The following WDR49 variants were observed in gnomAD, a reference collection of about 807,000 sequenced individuals.
WDR49 encodes WD repeat domain 49, also known as cilia- and flagella-associated protein 337.
A neutral mutation model predicts 119.5 loss-of-function variants in WDR49; 107 were observed. That is an observed-to-expected ratio of 0.90 (90% CI 0.77 to 1.05). The LOEUF (loss-of-function observed/expected upper bound fraction) is 1.05. Among genes scored for constraint, WDR49 ranks in the 50% least tolerant of loss-of-function variants. WDR49 has a pLI of 0.00. For synonymous variants in WDR49, 425 were observed against 418.8 expected, an observed-to-expected ratio of 1.01 and a Z score of -0.18; for missense variants, 1,240 against 1,220.5, an observed-to-expected ratio of 1.02 and a Z score of -0.24.
intron 5 of WDR49, among the ~76,000 whole-genome samples, chr3:167,605,939 A>T (rs1014280839): frequency 5.9e-5 from 9 of 152,204 alleles, no homozygotes; most frequent in Non-Finnish European, 1.0e-4. Context: ...GGACACTAGT[A>T]TTTGGTAGAG....
At chr3:167,497,795 G>C (rs1243332887) in intron 18 of WDR49, among the ~76,000 whole-genome samples, 1 of 151,622 alleles carries the variant, frequency 6.6e-6, no homozygotes, top group Non-Finnish European at 1.5e-5. Flanking sequence ...TCCTATGTCT[G>C]GATCTTTTTT....
intron 5 of WDR49, among the ~76,000 whole-genome samples, chr3:167,610,118 G>A (rs1716273304): frequency 6.6e-6 from 1 of 152,182 alleles, no homozygotes; most frequent in Non-Finnish European, 1.5e-5. Flanking sequence ...TAGCTGTGGA[G>A]GCTATGGGGA....
chr3:167,493,870 CA>C (rs779649590), intron 18 of WDR49, among the ~76,000 whole-genome samples: 5 of 152,140 alleles, frequency 3.3e-5, no homozygotes, highest in Non-Finnish European at 5.9e-5. Context: ...AAACTAATGT[CA>C]TTTTCTAACT....
At chr3:167,600,911 CTAG>C (rs1327256231) in intron 7 of WDR49, among the ~76,000 whole-genome samples, 1 of 151,682 alleles carries the variant, frequency 6.6e-6, no homozygotes, top group Non-Finnish European at 1.5e-5. Context: ...TGAAGTGGGG[CTAG>C]TAGATGGGGG....
At chr3:167,644,389 C>T (rs1025203061) in intron 2 of WDR49, among the ~76,000 whole-genome samples, 1 of 152,196 alleles carries the variant, frequency 6.6e-6, no homozygotes, top group African/African-American at 2.4e-5. Flanking sequence ...AATCACAGTT[C>T]TCTTTTTCTA....
chr3:167,579,141 G>C (rs1324136600), intron 7 of WDR49, among the ~76,000 whole-genome samples: 1 of 151,980 alleles, frequency 6.6e-6, no homozygotes, highest in Admixed American at 6.6e-5. Flanking sequence ...GGCCTCCTTA[G>C]CTGTGTGGAA....
chr3:167,574,709 G>A (rs138517686), intron 8 of WDR49, among the ~76,000 whole-genome samples: 2 of 152,206 alleles, frequency 1.3e-5, no homozygotes, highest in African/African-American at 4.8e-5. Context: ...AGGGAATATT[G>A]CTCATCTTAT....
intron 2 of WDR49, among the ~76,000 whole-genome samples, chr3:167,635,367 G>A (rs556831344): frequency 9.2e-5 from 14 of 151,764 alleles, no homozygotes; most frequent in African/African-American, 2.4e-4. Flanking sequence ...AAGACTTATC[G>A]ATTGGTTGCT....
intron 7 of WDR49, among the ~76,000 whole-genome samples, chr3:167,597,748 G>A (rs76026940): frequency 0.026 from 3,967 of 152,242 alleles, 166 homozygotes; most frequent in East Asian, 0.17. Context: ...TTCAGTGAGT[G>A]TCTTGCTGGG....
chr3:167,555,504 C>A (rs1478076582), intron 9 of WDR49, among the ~76,000 whole-genome samples: 1 of 152,126 alleles, frequency 6.6e-6, no homozygotes, highest in African/African-American at 2.4e-5. Flanking sequence ...GATTTACAGC[C>A]CGTCAGTCAG....
chr3:167,564,978 C>A (rs1199813410), intron 8 of WDR49, among the ~76,000 whole-genome samples: 1 of 151,442 alleles, frequency 6.6e-6, no homozygotes, highest in East Asian at 1.9e-4. Flanking sequence ...ATACTTGATT[C>A]CATTGCTGTT....
chr3:167,515,024 G>C (rs75947097), intron 16 of WDR49, among the ~76,000 whole-genome samples: 128 of 152,102 alleles, frequency 8.4e-4, no homozygotes, highest in African/African-American at 2.8e-3. Context: ...AAGGACCAGA[G>C]TGATTCACAG....
intron 18 of WDR49, among the ~76,000 whole-genome samples, chr3:167,482,763 G>A (rs1220141992): frequency 6.6e-6 from 1 of 151,654 alleles, no homozygotes; most frequent in Non-Finnish European, 1.5e-5. Context: ...ATGTATTTAA[G>A]TGCAGAAGTA....
At chr3:167,479,485 G>A (rs745637208) in intron 18 of WDR49, among the ~76,000 whole-genome samples, 4 of 152,146 alleles carry the variant, frequency 2.6e-5, no homozygotes, top group Admixed American at 6.5e-5. Flanking sequence ...GTTATATTGC[G>A]CATCAGTGAG....
chr3:167,598,217 A>C (rs1188733666), intron 7 of WDR49, among the ~76,000 whole-genome samples: 1 of 151,958 alleles, frequency 6.6e-6, no homozygotes, highest in Non-Finnish European at 1.5e-5. Flanking sequence ...AGGTAGGAGA[A>C]TTGCTCGAAC....
In WDR49 at chr3:167,522,414, A is replaced by C; in HGVS notation, c.2675T>G (p.Ile892Ser). 1 of 1,611,864 alleles carries C rather than the reference A, an allele frequency of 6.2e-7. No individual in the cohort carries two copies. The highest frequency in any genetic ancestry group is 1.1e-5 in the South Asian group (1 of 90,694). Residue 892 changes from isoleucine (I) to serine (S), a missense_variant, in exon 16 of 19, where the codon ATT (isoleucine) becomes AGT (serine). Transcript: ENST00000682715. ...AGAAAATAAAGAAATTTCCTTTTGA[A>C]TCTCACTTTCCACTAAATTAGTATC... is the stretch of plus-strand genomic sequence containing the variant. ...KRDTNLVESE[I>S]QKEISLFSKE...
intron 2 of WDR49, among the ~76,000 whole-genome samples, chr3:167,636,995 T>C (rs1357369419): frequency 6.6e-6 from 1 of 151,908 alleles, no homozygotes; most frequent in African/African-American, 2.4e-5. Flanking sequence ...CTCTTTAGTT[T>C]AATTAAGTCC....
chr3:167,648,786 GA>G (rs1718241541), intron 2 of WDR49, among the ~76,000 whole-genome samples: 1 of 152,170 alleles, frequency 6.6e-6, no homozygotes, highest in Admixed American at 6.6e-5. Flanking sequence ...GTAGAAGGCG[GA>G]AGGTGGGGAC....
upstream of WDR49, among the ~76,000 whole-genome samples, chr3:167,656,384 C>T (rs945515472): frequency 6.6e-6 from 1 of 152,090 alleles, no homozygotes; most frequent in African/African-American, 2.4e-5. Context: ...TAGTGATATT[C>T]TAGAGAGTTG....
Sources: allele counts gnomAD v4.1 joint callset (sites outside exome capture counted in the v4.1 genomes callset), GRCh38; gene constraint gnomAD v4.1.1; transcripts MANE v1.5; gene names NCBI Gene and HGNC (gene_info 2026-07-23, HGNC 2026-07-21).